ADAM9: variants seen among roughly 807,000 people sequenced by gnomAD.
ADAM9 encodes the protein disintegrin and metalloproteinase domain-containing protein 9.
In ADAM9, 54 loss-of-function variants were observed where a neutral mutation model predicts 108.1. The ratio of observed to expected loss-of-function variants is 0.50; its 90% CI spans 0.40 to 0.63. ADAM9 has a LOEUF of 0.63. ADAM9 is among the 20% of genes least tolerant of loss of function. The probability of loss-of-function intolerance (pLI) is 0.00; values close to 1 mark genes in which losing one functional copy is unlikely to be tolerated. For missense variants in ADAM9, 830 were observed against 997.7 expected (o/e 0.83, Z 2.26); for synonymous variants, 316 against 336.0 (o/e 0.94, Z 0.65).
chr8:39,064,405 T>C (rs1041886404), intron 14 of ADAM9, among the ~76,000 whole-genome samples: 9 of 152,164 alleles, frequency 5.9e-5, no homozygotes, highest in African/African-American at 2.2e-4. Flanking sequence ...CAATATCAAT[T>C]GGATATATAC....
At chr8:39,025,638 G>A (rs1405443234) in intron 9 of ADAM9, among the ~76,000 whole-genome samples, 165 bp from the exon 10 acceptor site, 1 of 151,704 alleles carries the variant, frequency 6.6e-6, no homozygotes, top group Non-Finnish European at 1.5e-5. Context: ...TTAATAAGAA[G>A]GAGATAAGGC....
rs748459761 is a variant in ADAM9 at position 39,037,441 on chromosome 8, A to AGTGT, written c.1131-4490_1131-4487dup. Among the ~76,000 whole-genome samples, 164 of 140,748 alleles carry AGTGT rather than the reference A, an allele frequency of 1.2e-3. 1 individual carries two copies. The highest frequency in any genetic ancestry group is 3.7e-3 in the Middle Eastern group (1 of 272). 92.3% of individuals were successfully genotyped at this position (140,748 alleles called of 152,430 possible). ...GTATATATATTTAAATATATATTTAAGTGTGTGTGTGTGTGTGTTTTTTTT... is the reference window on the plus strand; with the variant it reads ...GTATATATATTTAAATATATATTTAAGTGTGTGTGTGTGTGTGTGTGTTTTTTTT... On this transcript the variant is annotated intron_variant, in intron 11 of 21. Coordinates refer to ENST00000487273, the MANE Select transcript of ADAM9 (RefSeq NM_003816.3).
At position 39,079,257 on chromosome 8, in the gene ADAM9, G is replaced by T. The variant is rs556248060; in HGVS notation, c.1881+1846G>T. ...CTAGCTGGCACCACAGGTGTAACCA[G>T]CATGCCTGGCTAATTTTTTTTAATT... On this transcript the variant is annotated intron_variant, in intron 16 of 21. Coordinates refer to ENST00000487273, the MANE Select transcript of ADAM9 (RefSeq NM_003816.3). Among the ~76,000 whole-genome samples the T allele has an allele frequency of 9.9e-5, 15 of 152,226 alleles. No individual in the cohort carries two copies. In the South Asian group the frequency reaches 3.1e-3, roughly 32 times the overall value.
intron 1 of ADAM9, among the ~76,000 whole-genome samples, chr8:38,998,927 C>T (rs1476883694): frequency 6.6e-6 from 1 of 152,106 alleles, no homozygotes; most frequent in Non-Finnish European, 1.5e-5. Context: ...GGACTTCACC[C>T]CGTAGGAAGT....
chr8:39,038,518 C>T lies in ADAM9; in HGVS notation c.1131-3428C>T, dbSNP rs530846283. The stretch of plus-strand genomic sequence containing the variant: ...TGCAGAGCTCATCACACCCACACCC[C>T]GTCGCCTTTTTTCCCCATAGCACTT... On this transcript the variant is annotated intron_variant, in intron 11 of 21. Transcript: ENST00000487273. Among the ~76,000 whole-genome samples the T allele has an allele frequency of 8.5e-5, 13 of 152,236 alleles. No individual in the cohort carries two copies. In the South Asian group the frequency reaches 1.7e-3, roughly 19 times the overall value.
At chr8:39,097,675 ATGTT>A (rs1839555164) in intron 20 of ADAM9, among the ~76,000 whole-genome samples, 1 of 152,032 alleles carries the variant, frequency 6.6e-6, no homozygotes, top group African/African-American at 2.4e-5. Context: ...GAATTATGAA[ATGTT>A]TGTTTAGGTT....
intron 14 of ADAM9, among the ~76,000 whole-genome samples, chr8:39,068,887 C>CTG (rs1483711024): frequency 6.6e-6 from 1 of 151,874 alleles, no homozygotes; most frequent in African/African-American, 2.4e-5. Flanking sequence ...TCTACTCTCT[C>CTG]CAGAAAATAA....
chr8:39,085,295 A>G (rs752554270), intron 18 of ADAM9, among the ~76,000 whole-genome samples: 4 of 152,142 alleles, frequency 2.6e-5, no homozygotes, highest in Non-Finnish European at 5.9e-5. Flanking sequence ...TTGTTGTCAC[A>G]TGTTTTACTT....
intron 14 of ADAM9, among the ~76,000 whole-genome samples, chr8:39,068,589 C>A (rs749865055): frequency 7.1e-6 from 1 of 139,872 alleles, no homozygotes; most frequent in Non-Finnish European, 1.5e-5. Flanking sequence ...GCAGGAGAAT[C>A]GCTTGAACCA....
intron 19 of ADAM9, among the ~76,000 whole-genome samples, chr8:39,090,527 C>T (rs989439756): frequency 6.6e-6 from 1 of 152,082 alleles, no homozygotes; most frequent in Non-Finnish European, 1.5e-5. Context: ...GATTGGTAAT[C>T]CTCTAAAATA....
intron 14 of ADAM9, among the ~76,000 whole-genome samples, chr8:39,055,990 G>T (rs1838110144): frequency 6.6e-6 from 1 of 151,692 alleles, no homozygotes; most frequent in Non-Finnish European, 1.5e-5. Context: ...TTTATATTTT[G>T]TGTATCACGC....
chr8:39,079,355 C>T (rs531713454), intron 16 of ADAM9, among the ~76,000 whole-genome samples: 3 of 152,208 alleles, frequency 2.0e-5, no homozygotes, highest in African/African-American at 4.8e-5. Context: ...GATTCTCCCT[C>T]CTCAGCCTCC....
At chr8:39,077,206 C>T in intron 15 of ADAM9, 22 bp from the exon 16 acceptor site, 1 of 1,613,132 alleles carries the variant, frequency 6.2e-7, no homozygotes, top group Non-Finnish European at 8.5e-7. Flanking sequence ...TTTTATGTTG[C>T]ATTATTTCTC....
intron 16 of ADAM9, among the ~76,000 whole-genome samples, chr8:39,081,267 G>A (rs532547428): frequency 6.6e-6 from 1 of 152,164 alleles, no homozygotes; most frequent in African/African-American, 2.4e-5. Flanking sequence ...GAGAGTTTTT[G>A]GGTGTATTCC....
At chr8:39,080,116 G>GGT (rs145477398) in intron 16 of ADAM9, among the ~76,000 whole-genome samples, 13 of 150,622 alleles carry the variant, frequency 8.6e-5, no homozygotes, top group East Asian at 3.9e-4. Context: ...TTGTGTGTGG[G>GGT]GTGTGTGTGT....
At chr8:39,000,678 G>T (rs1835966886) in intron 1 of ADAM9, among the ~76,000 whole-genome samples, 1 of 152,056 alleles carries the variant, frequency 6.6e-6, no homozygotes, top group Admixed American at 6.6e-5. Flanking sequence ...TGTTGCCCAG[G>T]CTGGTCTCGA....
At chr8:39,044,317 G>A (rs139616810) in intron 12 of ADAM9, among the ~76,000 whole-genome samples, 110 of 152,298 alleles carry the variant, frequency 7.2e-4, no homozygotes, top group Non-Finnish European at 9.3e-4. Flanking sequence ...TTGATATCCA[G>A]TTTTCCACGG....
chr8:39,074,532 C>T (rs2129441698), intron 15 of ADAM9, among the ~76,000 whole-genome samples: 1 of 151,958 alleles, frequency 6.6e-6, no homozygotes, highest in African/African-American at 2.4e-5. Context: ...CAGCATCCGT[C>T]TTCAACAAAT....
At chr8:39,059,639 C>T (rs1838234222) in intron 14 of ADAM9, among the ~76,000 whole-genome samples, 1 of 152,262 alleles carries the variant, frequency 6.6e-6, no homozygotes, top group Non-Finnish European at 1.5e-5. Context: ...CTTTGCCCTA[C>T]AACCCAGTCA....
Sources: allele counts gnomAD v4.1 joint callset (sites outside exome capture counted in the v4.1 genomes callset), GRCh38; gene constraint gnomAD v4.1.1; transcripts MANE v1.5; gene names NCBI Gene and HGNC (gene_info 2026-07-23, HGNC 2026-07-21).